The following IDI1 variants were observed in gnomAD, a reference collection of about 807,000 sequenced individuals.
IDI1 encodes the protein isopentenyl-diphosphate delta isomerase 1, also known as isopentenyl-diphosphate Delta-isomerase 1.
A neutral mutation model predicts 32.9 loss-of-function variants in IDI1; 23 were observed. That is an observed-to-expected ratio of 0.70 (90% CI 0.50 to 0.99). The LOEUF (loss-of-function observed/expected upper bound fraction) is 0.99, where lower values mean the gene tolerates loss of function less well. IDI1 is among the 50% of genes least tolerant of loss of function. The pLI is 0.00. For synonymous variants in IDI1, 133 were observed against 128.2 expected (o/e 1.04, Z -0.25); for missense variants, 326 against 351.9 (o/e 0.93, Z 0.59).
At chr10:1,043,627 C>G (rs556878882) in intron 2 of IDI1, 1 of 662,876 alleles carries the variant, frequency 1.5e-6, no homozygotes, top group African/African-American at 1.8e-5. Context: ...TTCCGGCAGT[C>G]AAGTTCCCTA....
At chr10:1,054,462 G>T in the IDI1 span, among the ~76,000 whole-genome samples, 2 of 152,132 alleles carry the variant, frequency 1.3e-5, no homozygotes, top group Non-Finnish European at 2.9e-5. Flanking sequence ...ATCAAACCAT[G>T]CGCAAAAATG....
At chr10:1,054,205 G>C in the IDI1 span, among the ~76,000 whole-genome samples, 1 of 152,202 alleles carries the variant, frequency 6.6e-6, no homozygotes, top group Non-Finnish European at 1.5e-5. Flanking sequence ...GCTCCATGCA[G>C]GGCTGCCACA....
At chr10:1,049,660 A>AC (rs1411715508), upstream of IDI1, 1 of 73,246 alleles carries the variant, frequency 1.4e-5, no homozygotes, top group East Asian at 5.7e-4. Flanking sequence ...CTACGTTCTA[A>AC]ATTTTTTTTT....
At position 1,044,121 on chromosome 10, in the gene IDI1, T is replaced by G; in HGVS notation, c.191A>C (p.Asn64Thr). Reference protein sequence around the residue: ...HFVMMPEINTNHLDKQQVQLL... With the variant: ...HFVMMPEINTTHLDKQQVQLL... ...TTGAACCTGTTGCTTGTCGAGGTGG[T>G]TAGTGTTTATTTCAGGCATCATTAC... Residue 64 changes from asparagine to threonine, a missense_variant, in exon 2 of 5, where the codon AAC becomes ACC. Physicochemically the swap from Asn to Thr is moderately conservative, Grantham distance 65 (BLOSUM62 0). Transcript: ENST00000381344. The G allele has an allele frequency of 6.2e-7, 1 of 1,613,832 alleles. No individual in the cohort carries two copies. Among genetic ancestry groups the G allele is most frequent in the Non-Finnish European group, 8.5e-7 (1 of 1,179,738 alleles).
At chr10:1,046,179 A>C (rs1832803667) in intron 1 of IDI1, among the ~76,000 whole-genome samples, 1 of 152,204 alleles carries the variant, frequency 6.6e-6, no homozygotes, top group South Asian at 2.1e-4. Flanking sequence ...TTTGCAGATC[A>C]CCTGTGTATA....
At chr10:1,045,276 T>C (rs753600244) in intron 1 of IDI1, among the ~76,000 whole-genome samples, 12 of 152,232 alleles carry the variant, frequency 7.9e-5, no homozygotes, top group Non-Finnish European at 4.4e-5. Flanking sequence ...CGTCTAAGCT[T>C]TCTAATCTTT....
chr10:1,043,225 T>C, intron 3 of IDI1, 76 bp downstream of exon 3: 3 of 900,640 alleles, frequency 3.3e-6, no homozygotes, highest in Non-Finnish European at 5.4e-6. Flanking sequence ...TTTGTGACCT[T>C]GGCTCCAAGA....
At position 1,041,091 on chromosome 10, in the gene IDI1, T is replaced by C. The variant is rs2131567133; in HGVS notation, c.*96A>G. ...TAGTACCAAATGATAGAACTAAATTTAATGATAAATTAATGATAGAACTAA... is the reference window on the plus strand; with the variant it reads ...TAGTACCAAATGATAGAACTAAATTCAATGATAAATTAATGATAGAACTAA... On this transcript the variant is annotated 3_prime_UTR_variant, in exon 5 of 5. Coordinates refer to ENST00000381344, the MANE Select transcript of IDI1 (RefSeq NM_004508.4). 2 of 713,688 alleles carry C rather than the reference T, an allele frequency of 2.8e-6. No individual in the cohort carries two copies. The highest frequency in any genetic ancestry group is 5.4e-5 in the East Asian group (2 of 36,912). The allele number at this position is 713,688 out of a possible 1,614,324, so 44.2% of individuals were successfully genotyped here.
chr10:1,055,473 G>A, the IDI1 span, among the ~76,000 whole-genome samples: 2 of 152,154 alleles, frequency 1.3e-5, no homozygotes, highest in Non-Finnish European at 2.9e-5. Context: ...CTGTTAGAAT[G>A]CGGGTTAATT....
chr10:1,055,709 TCA>T, the IDI1 span, among the ~76,000 whole-genome samples: 2 of 114,672 alleles, frequency 1.7e-5, no homozygotes, highest in African/African-American at 5.8e-5. Flanking sequence ...AGAAATAACT[TCA>T]CTTCTTTTTT....
chr10:1,048,704 T>C (rs1832879991), intron 1 of IDI1, 160 bp downstream of exon 1: 2 of 1,421,456 alleles, frequency 1.4e-6, no homozygotes, highest in East Asian at 2.7e-5. Flanking sequence ...CCGGCCTCCC[T>C]CCAGTTCGGG....
chr10:1,054,091 ATCAC>A (rs1304867143), upstream of IDI1, among the ~76,000 whole-genome samples: 1 of 152,222 alleles, frequency 6.6e-6, no homozygotes, highest in Non-Finnish European at 1.5e-5. Context: ...CTAATCACAG[ATCAC>A]TATAACTGAT....
At chr10:1,049,535 T>C (rs1832933575), upstream of IDI1, 1 of 148,786 alleles carries the variant, frequency 6.7e-6, no homozygotes, top group African/African-American at 2.5e-5. Flanking sequence ...TTCTCGTATG[T>C]CTAGAACGAT....
Position 1,048,987 on chromosome 10 carries a change from G to A in IDI1, c.17C>T (p.Ala6Val), listed in dbSNP as rs774007206. Residue 6 changes from alanine (A) to valine (V), a missense_variant, in exon 1 of 5, where the codon GCG becomes GTG. By Grantham distance (64) the Ala-to-Val change is moderately conservative. Transcript: ENST00000381344. Reference protein sequence around the residue: MWRGLALARAIGCAAR... With the variant: MWRGLVLARAIGCAAR... ...CGCGCAGCCAATCGCTCGCGCCAGC[G>A]CCAGTCCACGCCACATCGCCCGGCC... 2.0e-6 allele frequency: 3 copies of A among 1,512,554 alleles called. No homozygotes were observed. Among genetic ancestry groups the A allele is most frequent in the Non-Finnish European group, 2.6e-6 (3 of 1,137,836 alleles). The allele number at this position is 1,512,554 out of a possible 1,614,324, so 93.7% of individuals were successfully genotyped here.
upstream of IDI1, among the ~76,000 whole-genome samples, chr10:1,052,291 A>ACT (rs1564490925): frequency 6.6e-6 from 1 of 152,228 alleles, no homozygotes; most frequent in Non-Finnish European, 1.5e-5. Context: ...CTTCACCAGG[A>ACT]TTAGGTTCCA....
In IDI1 at chr10:1,048,830, CT is replaced by C. The variant is rs776484724; in HGVS notation, c.140+33del. Reference sequence around the variant, plus strand: ...GCAGCTCCCCGATGCCGCCCTGCCCCTGTCTCCCGAACTCCGCCGCCCGTCC... The same window carrying C: ...GCAGCTCCCCGATGCCGCCCTGCCCCGTCTCCCGAACTCCGCCGCCCGTCC... On this transcript the variant is annotated intron_variant, in intron 1 of 4. Transcript: ENST00000381344. The C allele has an allele frequency of 1.3e-5, 20 of 1,599,526 alleles. No individual in the cohort carries two copies. The South Asian group carries it at 2.2e-4, about 18-fold the overall frequency.
chr10:1,045,869 GTGTGTGTGTGTGT>G (rs1564487131), intron 1 of IDI1, among the ~76,000 whole-genome samples: 3 of 8,970 alleles, frequency 3.3e-4, no homozygotes, highest in East Asian at 0.059. Context: ...GGGTCTGGGT[GTGTGTGTGTGTGT>G]GTGTGTGTGT....
intron 4 of IDI1, among the ~76,000 whole-genome samples, chr10:1,042,107 C>A (rs185767218): frequency 6.6e-6 from 1 of 151,920 alleles, no homozygotes; most frequent in Non-Finnish European, 1.5e-5. Context: ...ACGACCGGCC[C>A]GACATTTTTC....
At chr10:1,042,603 T>C (rs1832641585) in intron 4 of IDI1, 29 bp downstream of exon 4, 1 of 1,612,122 alleles carries the variant, frequency 6.2e-7, no homozygotes, top group South Asian at 1.1e-5. Flanking sequence ...AGGTTTCAGC[T>C]TGTATGGTTG....
Sources: allele counts gnomAD v4.1 joint callset (sites outside exome capture counted in the v4.1 genomes callset), GRCh38; gene constraint gnomAD v4.1.1; transcripts MANE v1.5; gene names NCBI Gene and HGNC (gene_info 2026-07-23, HGNC 2026-07-21).